ATXN7L1: variants seen among roughly 807,000 people sequenced by gnomAD.
ATXN7L1 encodes ataxin 7 like 1.
A neutral mutation model predicts 70.8 loss-of-function variants in ATXN7L1; 15 were observed. The observed-to-expected ratio is 0.21, with a 90% CI of 0.14 to 0.33. The LOEUF (loss-of-function observed/expected upper bound fraction) is 0.33. Among genes scored for constraint, ATXN7L1 ranks in the 10% least tolerant of loss-of-function variants. ATXN7L1 has a pLI of 1.00. For synonymous variants in ATXN7L1, 440 were observed against 445.1 expected (o/e 0.99, Z 0.14); for missense variants, 975 against 1,097.1 (o/e 0.89, Z 1.57).
chr7:105,693,161 C>A (rs939117064), intron 3 of ATXN7L1, among the ~76,000 whole-genome samples: 7 of 151,998 alleles, frequency 4.6e-5, no homozygotes, highest in Non-Finnish European at 1.0e-4. Context: ...TCCAAGAGAA[C>A]CTGGGTGTGG....
At chr7:105,633,376 T>C (rs956169069) in intron 7 of ATXN7L1, among the ~76,000 whole-genome samples, 5 of 152,198 alleles carry the variant, frequency 3.3e-5, no homozygotes, top group Non-Finnish European at 7.3e-5. Flanking sequence ...ATTCTAATTA[T>C]TTAAGCACAG....
At chr7:105,870,443 T>C (rs1423238206) in intron 2 of ATXN7L1, among the ~76,000 whole-genome samples, 1 of 152,118 alleles carries the variant, frequency 6.6e-6, no homozygotes, top group African/African-American at 2.4e-5. Context: ...TAGAATAAAG[T>C]TTTCTAGAGC....
chr7:105,728,217 A>T (rs980387896), intron 3 of ATXN7L1, among the ~76,000 whole-genome samples: 4 of 152,198 alleles, frequency 2.6e-5, no homozygotes, highest in African/African-American at 9.7e-5. Context: ...TTGAGGGAAA[A>T]GTGCTGACCT....
intron 3 of ATXN7L1, among the ~76,000 whole-genome samples, chr7:105,716,056 C>T (rs1794506613): frequency 1.3e-5 from 2 of 152,004 alleles, no homozygotes; most frequent in South Asian, 4.2e-4. Flanking sequence ...GAAGAAGGAG[C>T]TTCAGGGGGC....
At chr7:105,769,579 C>A (rs1014699263) in intron 3 of ATXN7L1, among the ~76,000 whole-genome samples, 2 of 152,100 alleles carry the variant, frequency 1.3e-5, no homozygotes, top group Non-Finnish European at 2.9e-5. Flanking sequence ...TTCTGGAAGC[C>A]TGAGTGTAGG....
At chr7:105,835,150 T>TTTA (rs1491417976) in intron 2 of ATXN7L1, among the ~76,000 whole-genome samples, 16 of 4,100 alleles carry the variant, frequency 3.9e-3, no homozygotes, top group African/African-American at 0.036. Flanking sequence ...AAGTGTGTGG[T>TTTA]TTTTTTTTTT....
chr7:105,824,565 G>C (rs1224710968), intron 2 of ATXN7L1, among the ~76,000 whole-genome samples: 1 of 151,930 alleles, frequency 6.6e-6, no homozygotes, highest in Non-Finnish European at 1.5e-5. Context: ...TTACTAGAAG[G>C]CTTACAAGAG....
intron 3 of ATXN7L1, among the ~76,000 whole-genome samples, chr7:105,693,558 T>C (rs1247411394): frequency 9.6e-6 from 1 of 104,696 alleles, no homozygotes; most frequent in Non-Finnish European, 2.0e-5. Context: ...CATCCATCCA[T>C]CCATCCATCC....
At chr7:105,699,416 G>A (rs2116230043) in intron 3 of ATXN7L1, among the ~76,000 whole-genome samples, 1 of 152,310 alleles carries the variant, frequency 6.6e-6, no homozygotes, top group East Asian at 1.9e-4. Context: ...ACAGGCATGA[G>A]CCATCATGCT....
At chr7:105,649,650 G>T (rs1799570874) in intron 4 of ATXN7L1, 1 of 841,274 alleles carries the variant, frequency 1.2e-6, no homozygotes, top group Non-Finnish European at 1.4e-6. Context: ...TGCCAGCTAC[G>T]CTTTCCTGGT....
chr7:105,823,245 C>T lies in ATXN7L1; in HGVS notation c.251-34537G>A, dbSNP rs142042088. 8.5e-5 allele frequency among the ~76,000 whole-genome samples: 13 copies of T among 152,298 alleles called. No homozygotes were observed. The East Asian group carries it at 2.3e-3, about 27-fold the overall frequency. Reference sequence around the variant, plus strand: ...TATCTCCTACAAAGTCGAAGGCTGACATGAATCATCTTTTGTTGTAAAAGG... The same window carrying T: ...TATCTCCTACAAAGTCGAAGGCTGATATGAATCATCTTTTGTTGTAAAAGG... On this transcript the variant is annotated intron_variant, in intron 2 of 11. Coordinates refer to ENST00000419735, the MANE Select transcript of ATXN7L1 (RefSeq NM_020725.2).
In ATXN7L1 at chr7:105,614,680, G is replaced by A; in HGVS notation, c.1654C>T (p.Leu552Phe). ...YLPSAPISSR[L>F]TSSYIMTSAM... ...GATGTCATTATGTAAGAAGAGGTGA[G>A]CCTCGAGCTGATGGGAGCTGAAGGA... is the stretch of plus-strand genomic sequence containing the variant. Residue 552 changes from leucine (L) to phenylalanine (F), a missense_variant, in exon 10 of 12, where the codon CTC (leucine) becomes TTC (phenylalanine). Leu to Phe is a conservative substitution (Grantham distance 22). Coordinates refer to ENST00000419735, the MANE Select transcript of ATXN7L1 (RefSeq NM_020725.2). This position sits in a 1 kb window ranked among gnomAD's most constrained non-coding sequence, Gnocchi z 4.3. 6.4e-7 allele frequency: 1 copy of A among 1,551,700 alleles called. No homozygotes were observed. Among genetic ancestry groups the A allele is most frequent in the Non-Finnish European group, 8.7e-7 (1 of 1,147,014 alleles).
chr7:105,610,904 C>A (rs976939813), intron 10 of ATXN7L1, among the ~76,000 whole-genome samples: 1 of 152,218 alleles, frequency 6.6e-6, no homozygotes, highest in African/African-American at 2.4e-5. Flanking sequence ...GGTGGAGATG[C>A]CTGGCCCCTC....
At position 105,792,929 on chromosome 7, in the gene ATXN7L1, G is replaced by A. The variant is rs575082400; in HGVS notation, c.251-4221C>T. Among the ~76,000 whole-genome samples, 18 of 152,246 alleles carry A rather than the reference G, an allele frequency of 1.2e-4. No individual in the cohort carries two copies. In the East Asian group the frequency reaches 2.1e-3, roughly 18 times the overall value. On this transcript the variant is annotated intron_variant, in intron 2 of 11. Coordinates refer to ENST00000419735, the MANE Select transcript of ATXN7L1 (RefSeq NM_020725.2). Reference sequence around the variant, plus strand: ...CTCTCCAGATTTGTGATGTGATAACGTTATCTTAGTTAATCTTCATAATGA... The same window carrying A: ...CTCTCCAGATTTGTGATGTGATAACATTATCTTAGTTAATCTTCATAATGA...
intron 2 of ATXN7L1, among the ~76,000 whole-genome samples, chr7:105,802,260 A>G (rs1806932275): frequency 6.6e-6 from 1 of 151,900 alleles, no homozygotes; most frequent in Non-Finnish European, 1.5e-5. Context: ...TGGCCTCCAT[A>G]CCTCAGTAAA....
At chr7:105,818,279 C>T (rs530971665) in intron 2 of ATXN7L1, among the ~76,000 whole-genome samples, 8 of 152,304 alleles carry the variant, frequency 5.3e-5, no homozygotes, top group Admixed American at 5.2e-4. Context: ...AAGCAATCCT[C>T]CTGCCTCAGC....
intron 3 of ATXN7L1, among the ~76,000 whole-genome samples, chr7:105,723,859 C>T (rs1311300358): frequency 2.0e-5 from 3 of 152,200 alleles, no homozygotes; most frequent in South Asian, 2.1e-4. Context: ...GTCCATGCGG[C>T]TGCTGAGACA....
At chr7:105,718,836 G>A (rs1794863345) in intron 3 of ATXN7L1, among the ~76,000 whole-genome samples, 1 of 152,248 alleles carries the variant, frequency 6.6e-6, no homozygotes. Context: ...GAAAAAAGCA[G>A]AAGCCAAGAG....
intron 3 of ATXN7L1, among the ~76,000 whole-genome samples, chr7:105,686,727 C>T (rs1406176064): frequency 6.6e-6 from 1 of 152,194 alleles, no homozygotes; most frequent in Non-Finnish European, 1.5e-5. Context: ...AGAATGGTTA[C>T]ATGGGTACTT....
Sources: allele counts gnomAD v4.1 joint callset (sites outside exome capture counted in the v4.1 genomes callset), GRCh38; gene constraint gnomAD v4.1.1; non-coding constraint Gnocchi (gnomAD v3.1); transcripts MANE v1.5; gene names NCBI Gene and HGNC (gene_info 2026-07-23, HGNC 2026-07-21).